The following PCDHA3 variants were observed in gnomAD, a reference collection of about 807,000 sequenced individuals.
PCDHA3 encodes the protein protocadherin alpha-3.
A neutral mutation model predicts 62.2 loss-of-function variants in PCDHA3; 41 were observed. The observed-to-expected ratio is 0.66, with a 90% confidence interval of 0.51 to 0.86. The LOEUF is 0.86. PCDHA3 is among the 40% of genes least tolerant of loss of function. PCDHA3 has a pLI of 0.00. For missense variants in PCDHA3, 1,304 were observed against 1,241.2 expected (o/e 1.05, Z -0.76); for synonymous variants, 640 against 555.4 (o/e 1.15, Z -2.14).
chr5:140,942,990 C>T (rs1460211642), intron 1 of PCDHA3, among the ~76,000 whole-genome samples: 4 of 151,892 alleles, frequency 2.6e-5, no homozygotes, highest in Non-Finnish European at 5.9e-5. Context: ...GGTGTGGTGG[C>T]TCATGCCTGT....
intron 1 of PCDHA3, chr5:140,871,341 C>G (rs2053000377): frequency 6.2e-7 from 1 of 1,614,188 alleles, no homozygotes; most frequent in African/African-American, 1.3e-5. Context: ...CGGTGGGGAG[C>G]TGGTCATACT....
At chr5:140,913,243 G>T (rs1386908951) in intron 1 of PCDHA3, among the ~76,000 whole-genome samples, 1 of 152,112 alleles carries the variant, frequency 6.6e-6, no homozygotes, top group Non-Finnish European at 1.5e-5. Flanking sequence ...GAGACTTTTT[G>T]TTACAACTTT....
At chr5:141,005,826 A>T (rs1283643370) in intron 3 of PCDHA3, among the ~76,000 whole-genome samples, 4 of 151,340 alleles carry the variant, frequency 2.6e-5, no homozygotes, top group Admixed American at 6.6e-5. Flanking sequence ...GGTGGCCTGT[A>T]GTCCCAGCCA....
chr5:140,969,822 G>A (rs559271640), intron 1 of PCDHA3, among the ~76,000 whole-genome samples: 68 of 152,320 alleles, frequency 4.5e-4, no homozygotes, highest in Non-Finnish European at 8.4e-4. Flanking sequence ...ACTCTGGACT[G>A]TCTACAGTGG....
Position 140,902,287 on chromosome 5 carries a change from C to T in PCDHA3, c.2395-76662C>T, listed in dbSNP as rs150308530. Among the ~76,000 whole-genome samples the T allele has an allele frequency of 1.9e-3, 280 of 150,946 alleles. 2 individuals are homozygous for T. The highest frequency in any genetic ancestry group is 6.5e-3 in the African/African-American group (266 of 41,018). ...TCCTGGGCTCAAGCAATCCTCCTGC[C>T]TCAGCCTCCCAAAGTGCTGGGATTA... is the stretch of plus-strand genomic sequence containing the variant. On this transcript the variant is annotated intron_variant, in intron 1 of 3. Transcript: ENST00000522353.
intron 1 of PCDHA3, chr5:140,876,550 C>T: frequency 6.2e-7 from 1 of 1,614,186 alleles, no homozygotes; most frequent in Non-Finnish European, 8.5e-7. Context: ...GCTCCCTGTG[C>T]AAGAGGATGC....
At chr5:140,850,816 C>T (rs2150499386) in intron 1 of PCDHA3, 3 of 1,598,298 alleles carry the variant, frequency 1.9e-6, no homozygotes, top group Admixed American at 1.7e-5. Flanking sequence ...GCCTTCAGCC[C>T]GGGCCTTTCT....
At chr5:140,844,885 T>C (rs1288231752) in intron 1 of PCDHA3, among the ~76,000 whole-genome samples, 1 of 149,522 alleles carries the variant, frequency 6.7e-6, no homozygotes, top group Non-Finnish European at 1.5e-5. Flanking sequence ...TTAGACTTCG[T>C]GCATATTGCT....
intron 1 of PCDHA3, chr5:140,871,305 G>A (rs782666863): frequency 3.7e-6 from 6 of 1,613,874 alleles, no homozygotes; most frequent in African/African-American, 1.3e-5. Context: ...GCGCGCCGGG[G>A]AAGCCCACGC....
At chr5:140,875,769 C>A (rs782227729) in intron 1 of PCDHA3, 1 of 1,614,224 alleles carries the variant, frequency 6.2e-7, no homozygotes, top group South Asian at 1.1e-5. Context: ...GCGGGCGGAG[C>A]GCGGAGTGCA....
chr5:140,948,895 A>G (rs1192387448), intron 1 of PCDHA3, among the ~76,000 whole-genome samples: 1 of 151,548 alleles, frequency 6.6e-6, no homozygotes, highest in Non-Finnish European at 1.5e-5. Flanking sequence ...TTAGATTTTA[A>G]GTGGATTCTT....
At chr5:140,883,544 A>T in intron 1 of PCDHA3, 1 of 1,614,168 alleles carries the variant, frequency 6.2e-7, no homozygotes, top group South Asian at 1.1e-5. Flanking sequence ...ACTGGTGGTG[A>T]CCGCGCGGGA....
chr5:140,871,031 G>C (rs543880939), intron 1 of PCDHA3: 4 of 1,613,210 alleles, frequency 2.5e-6, no homozygotes, highest in Middle Eastern at 3.3e-4. Flanking sequence ...GACTCGCCGC[G>C]CCACCGACTT....
chr5:140,876,023 C>G, intron 1 of PCDHA3: 1 of 1,612,330 alleles, frequency 6.2e-7, no homozygotes, highest in Non-Finnish European at 8.5e-7. Flanking sequence ...AAAATAAAAA[C>G]AAAAAAAGAT....
At chr5:140,885,012 G>A (rs73793512) in intron 1 of PCDHA3, among the ~76,000 whole-genome samples, 2,131 of 152,234 alleles carry the variant, frequency 0.014, 45 homozygotes, top group African/African-American at 0.049. Flanking sequence ...GAGGCTAATC[G>A]TAATCTTAAA....
At chr5:140,841,679 G>A (rs1554138418) in intron 1 of PCDHA3, 3 of 1,613,866 alleles carry the variant, frequency 1.9e-6, no homozygotes, top group South Asian at 1.1e-5. Context: ...TTTCCATGTG[G>A]ACGTGGAGGT....
At chr5:140,926,131 A>G (rs2082931602) in intron 1 of PCDHA3, among the ~76,000 whole-genome samples, 1 of 152,076 alleles carries the variant, frequency 6.6e-6, no homozygotes, top group Non-Finnish European at 1.5e-5. Context: ...TTCAACCCGC[A>G]GCAGGATCCA....
At chr5:140,944,746 A>G (rs1009788923) in intron 1 of PCDHA3, among the ~76,000 whole-genome samples, 6 of 152,214 alleles carry the variant, frequency 3.9e-5, no homozygotes, top group African/African-American at 1.4e-4. Context: ...GAGCATTTAC[A>G]TGGAAAAAAT....
intron 1 of PCDHA3, chr5:140,842,447 G>T (rs200777298): frequency 6.2e-7 from 1 of 1,613,672 alleles, no homozygotes; most frequent in African/African-American, 1.3e-5. Flanking sequence ...TAGCGTGAAC[G>T]ACCTCGATTC....
Sources: allele counts gnomAD v4.1 joint callset (sites outside exome capture counted in the v4.1 genomes callset), GRCh38; gene constraint gnomAD v4.1.1; transcripts MANE v1.5; gene names NCBI Gene and HGNC (gene_info 2026-07-23, HGNC 2026-07-21).